The following PCDH7 variants were observed in gnomAD, a reference collection of about 807,000 sequenced individuals.
PCDH7 encodes protocadherin 7.
Under a neutral mutation model 58.9 loss-of-function variants are expected in PCDH7, and 17 were observed. That is an observed-to-expected ratio of 0.29 (90% CI 0.20 to 0.43). The LOEUF (loss-of-function observed/expected upper bound fraction) is 0.43. PCDH7 is among the 20% of genes least tolerant of loss of function. The pLI, the probability that PCDH7 is intolerant of heterozygous loss-of-function variation, is 1.00. For missense variants in PCDH7, 1,274 were observed against 1,441.0 expected, an observed-to-expected ratio of 0.88 and a Z score of 1.88; for synonymous variants, 664 against 616.4, an observed-to-expected ratio of 1.08 and a Z score of -1.14.
At chr4:30,747,792 A>T (rs1717965164) in intron 1 of PCDH7, among the ~76,000 whole-genome samples, 1 of 152,188 alleles carries the variant, frequency 6.6e-6, no homozygotes, top group Non-Finnish European at 1.5e-5. Flanking sequence ...CATCTTAGGG[A>T]TCGATTGTTT....
At chr4:30,805,071 C>T (rs1038019811) in intron 1 of PCDH7, among the ~76,000 whole-genome samples, 1 of 152,206 alleles carries the variant, frequency 6.6e-6, no homozygotes, top group Non-Finnish European at 1.5e-5. Context: ...TCACTCCCTT[C>T]CCTGGAGCAC....
intron 1 of PCDH7, among the ~76,000 whole-genome samples, chr4:30,895,782 A>G (rs1032531737): frequency 2.6e-5 from 4 of 152,306 alleles, no homozygotes; most frequent in Admixed American, 2.6e-4. Context: ...TTTTCTTTAC[A>G]TTCTACCTTA....
At chr4:31,056,514 A>AAAGAAAGAAAGC (rs1560608904) in intron 3 of PCDH7, among the ~76,000 whole-genome samples, 2 of 102,506 alleles carry the variant, frequency 2.0e-5, no homozygotes, top group Non-Finnish European at 4.1e-5. Context: ...AGAAAGAAAG[A>AAAGAAAGAAAGC]AAGGGGAAGG....
At chr4:30,897,029 C>T (rs1169004855) in intron 1 of PCDH7, among the ~76,000 whole-genome samples, 1 of 150,828 alleles carries the variant, frequency 6.6e-6, no homozygotes, top group Admixed American at 6.6e-5. Context: ...CTCAGCCTCC[C>T]GCGTAGCTGG....
chr4:31,028,780 C>A (rs61201051), intron 3 of PCDH7, among the ~76,000 whole-genome samples: 2 of 151,892 alleles, frequency 1.3e-5, no homozygotes, highest in Non-Finnish European at 2.9e-5. Flanking sequence ...TGAAAAACAT[C>A]GAAAAACATG....
intron 1 of PCDH7, among the ~76,000 whole-genome samples, chr4:30,863,773 T>A (rs1433777417): frequency 6.6e-6 from 1 of 152,146 alleles, no homozygotes; most frequent in Non-Finnish European, 1.5e-5. Flanking sequence ...CACAAAAAAT[T>A]CTGCATTTTA....
intron 1 of PCDH7, among the ~76,000 whole-genome samples, chr4:30,844,873 C>T (rs185078089): frequency 1.6e-4 from 24 of 152,254 alleles, no homozygotes; most frequent in South Asian, 8.3e-4. Flanking sequence ...CTCTTTTCTA[C>T]ATTTTGAGGG....
intron 1 of PCDH7, among the ~76,000 whole-genome samples, chr4:30,740,895 G>GAAAAAAAAATA (rs1433135406): frequency 1.8e-4 from 27 of 150,402 alleles, no homozygotes; most frequent in African/African-American, 6.1e-4. Flanking sequence ...TTTTTTCAAA[G>GAAAAAAAAATA]AATATGAAAC....
intron 3 of PCDH7, among the ~76,000 whole-genome samples, chr4:31,116,995 C>A (rs1258783618): frequency 6.6e-6 from 1 of 152,126 alleles, no homozygotes; most frequent in Non-Finnish European, 1.5e-5. Context: ...GCCACCACAT[C>A]TGGCTAATTT....
At chr4:31,003,727 G>A (rs946220179) in intron 3 of PCDH7, among the ~76,000 whole-genome samples, 1 of 151,972 alleles carries the variant, frequency 6.6e-6, no homozygotes, top group Non-Finnish European at 1.5e-5. Flanking sequence ...CTAACAGGGT[G>A]AAACCACATC....
At chr4:31,091,802 T>G (rs1713289812) in intron 3 of PCDH7, among the ~76,000 whole-genome samples, 1 of 151,986 alleles carries the variant, frequency 6.6e-6, no homozygotes, top group African/African-American at 2.4e-5. Context: ...TCCACTTAAC[T>G]CAAGAATTTT....
intron 3 of PCDH7, among the ~76,000 whole-genome samples, chr4:31,120,092 C>T (rs1183576823): frequency 6.6e-6 from 1 of 152,070 alleles, no homozygotes; most frequent in Non-Finnish European, 1.5e-5. Flanking sequence ...GGGCTGTCTC[C>T]TGCCCTGTTC....
At chr4:30,783,730 C>T (rs1022910811) in intron 1 of PCDH7, among the ~76,000 whole-genome samples, 1 of 152,106 alleles carries the variant, frequency 6.6e-6, no homozygotes, top group African/African-American at 2.4e-5. Context: ...GTTTTCTTCT[C>T]CTAGCACTAG....
Position 31,136,622 on chromosome 4 carries a change from GATA to G in PCDH7, c.*8-5849_*8-5847del, listed in dbSNP as rs1719633504. Among the ~76,000 whole-genome samples, 9 of 152,222 alleles carry G rather than the reference GATA, an allele frequency of 5.9e-5. No individual in the cohort carries two copies. In the South Asian group the frequency reaches 1.9e-3, roughly 32 times the overall value. On this transcript the variant is annotated intron_variant, in intron 3 of 3. Coordinates refer to the PCDH7 transcript ENST00000509759. The stretch of plus-strand genomic sequence containing the variant: ...TTGTGGCCAGAGTGACACTTACTTA[GATA>G]ACTATAAATTTCTCCTCTTCCAGAA...
At chr4:30,983,451 A>G (rs938830553) in intron 3 of PCDH7, among the ~76,000 whole-genome samples, 1 of 152,234 alleles carries the variant, frequency 6.6e-6, no homozygotes, top group Non-Finnish European at 1.5e-5. Context: ...TTTAACTTTC[A>G]AATCAACTAT....
intron 3 of PCDH7, among the ~76,000 whole-genome samples, chr4:31,090,785 CTA>C (rs1269564270): frequency 3.9e-5 from 6 of 151,922 alleles, no homozygotes; most frequent in African/African-American, 1.4e-4. Flanking sequence ...TATTTCTTGA[CTA>C]TTTTTTTCTG....
At chr4:31,059,439 T>A (rs897641098) in intron 3 of PCDH7, among the ~76,000 whole-genome samples, 1 of 152,066 alleles carries the variant, frequency 6.6e-6, no homozygotes, top group Non-Finnish European at 1.5e-5. Context: ...AGCATGACAG[T>A]AGAATTGTAT....
intron 1 of PCDH7, among the ~76,000 whole-genome samples, chr4:30,841,378 A>G (rs996957411): frequency 2.0e-5 from 3 of 152,172 alleles, no homozygotes; most frequent in Admixed American, 6.6e-5. Context: ...TTGTTTAGAC[A>G]TTAAAAAATT....
chr4:30,925,685 C>T (rs796980307), intron 2 of PCDH7: 4 of 152,198 alleles, frequency 2.6e-5, no homozygotes, highest in African/African-American at 9.6e-5. Flanking sequence ...CCCAAGTATC[C>T]CCCAAAAGTC....
Sources: allele counts gnomAD v4.1 joint callset (sites outside exome capture counted in the v4.1 genomes callset), GRCh38; gene constraint gnomAD v4.1.1; transcripts MANE v1.5; gene names NCBI Gene and HGNC (gene_info 2026-07-23, HGNC 2026-07-21).